ATPAF1: variants seen among roughly 807,000 people sequenced by gnomAD.
The protein encoded by ATPAF1 is homolog of yeast ATP11.
In ATPAF1, 26 loss-of-function variants were observed where a neutral mutation model predicts 43.9. The ratio of observed to expected loss-of-function variants is 0.59; its 90% CI spans 0.43 to 0.82. The LOEUF is 0.82. Among genes scored for constraint, ATPAF1 ranks in the 40% least tolerant of loss-of-function variants. The pLI, the probability that ATPAF1 is intolerant of heterozygous loss-of-function variation, is 0.00. For missense variants in ATPAF1, 366 were observed against 435.0 expected (o/e 0.84, Z 1.41); for synonymous variants, 157 against 168.0 (o/e 0.93, Z 0.50).
intron 7 of ATPAF1, 141 bp downstream of exon 7, chr1:46,645,020 A>T: frequency 2.8e-6 from 2 of 708,530 alleles, no homozygotes; most frequent in Non-Finnish European, 4.6e-6. Context: ...TCCAACACAA[A>T]AAGTATGACA....
intron 6 of ATPAF1, among the ~76,000 whole-genome samples, chr1:46,651,503 G>A (rs1303267548): frequency 6.6e-6 from 1 of 152,086 alleles, no homozygotes; most frequent in African/African-American, 2.4e-5. Flanking sequence ...ATAGTCCTTT[G>A]GGTATACACC....
In ATPAF1 at chr1:46,653,806, A is replaced by G. The variant is rs1676213219; in HGVS notation, c.540+11T>C. ...TTGTAACACTTTCACTTTGCCCTCC[A>G]AACTACTTACAGGAATAACTGCGTA... On this transcript the variant is annotated intron_variant, in intron 5 of 8. Transcript: ENST00000574428. The surrounding 1 kb of genome is among the most constrained non-coding windows in gnomAD (Gnocchi z 4.8). 1 of 1,606,506 alleles carries G rather than the reference A, an allele frequency of 6.2e-7. No individual in the cohort carries two copies. The highest frequency in any genetic ancestry group is 1.3e-5 in the African/African-American group (1 of 74,648).
chr1:46,657,306 A>G (rs542742133), intron 4 of ATPAF1, among the ~76,000 whole-genome samples: 1 of 152,180 alleles, frequency 6.6e-6, no homozygotes, highest in African/African-American at 2.4e-5. Context: ...ATAGCTTATT[A>G]GAGAGAAAAG....
chr1:46,661,529 A>T (rs1676387138), intron 2 of ATPAF1, among the ~76,000 whole-genome samples: 1 of 152,222 alleles, frequency 6.6e-6, no homozygotes, highest in Non-Finnish European at 1.5e-5. Context: ...ACATGCTAAA[A>T]TATGTATTTT....
intron 8 of ATPAF1, among the ~76,000 whole-genome samples, chr1:46,638,670 T>C (rs546045541): frequency 6.6e-6 from 1 of 150,936 alleles, no homozygotes; most frequent in African/African-American, 2.4e-5. Flanking sequence ...GTGAGTAGGA[T>C]AGGAAGGTAA....
intron 2 of ATPAF1, among the ~76,000 whole-genome samples, chr1:46,662,104 C>T (rs1294862465): frequency 6.6e-6 from 1 of 151,982 alleles, no homozygotes; most frequent in Non-Finnish European, 1.5e-5. Context: ...CCGTGTTAGC[C>T]AGGATGGTCT....
chr1:46,666,157 T>C (rs1038176219), intron 1 of ATPAF1: 6 of 187,944 alleles, frequency 3.2e-5, no homozygotes, highest in South Asian at 1.2e-4. Flanking sequence ...GGTCAATGCA[T>C]TATAGGGGGC....
Position 46,658,226 on chromosome 1 carries a change from TAAAA to T in ATPAF1, c.427-41_427-38del, listed in dbSNP as rs3214697. The T allele has an allele frequency of 3.0e-4, 349 of 1,144,594 alleles. No homozygotes were observed. The East Asian group carries it at 4.0e-3, about 13-fold the overall frequency. 70.9% of individuals were successfully genotyped at this position (1,144,594 alleles called of 1,614,324 possible). A position where few individuals can be genotyped will look rare whatever the true frequency, so the allele number is the denominator to read the frequency against. On this transcript the variant is annotated intron_variant, in intron 3 of 8. Coordinates refer to ENST00000574428, the Ensembl canonical transcript of ATPAF1. Reference sequence around the variant, plus strand: ...CAATAAAAAGCAATTAACACATAATTAAAAAAAAAAAAAAACAGCTTAACTCTAT... The same window carrying T: ...CAATAAAAAGCAATTAACACATAATTAAAAAAAAAAACAGCTTAACTCTAT...
At chr1:46,634,956 C>T (rs138308483), downstream of ATPAF1, 1 of 152,754 alleles carries the variant, frequency 6.5e-6, no homozygotes, top group East Asian at 1.9e-4. Context: ...ATTTTCCCCA[C>T]ATCCAATCTG....
chr1:46,645,064 T>A, intron 7 of ATPAF1, 97 bp downstream of exon 7: 1 of 881,746 alleles, frequency 1.1e-6, no homozygotes, highest in Non-Finnish European at 1.8e-6. Flanking sequence ...ATGCTGGGAG[T>A]AAGCAGCTAT....
intron 6 of ATPAF1, among the ~76,000 whole-genome samples, chr1:46,649,036 C>A (rs1326781528): frequency 6.6e-6 from 1 of 151,796 alleles, no homozygotes; most frequent in Non-Finnish European, 1.5e-5. Flanking sequence ...GTGGCAGGCA[C>A]CTGTAATCCC....
chr1:46,649,868 G>C (rs2476156), intron 6 of ATPAF1, among the ~76,000 whole-genome samples: 1 of 151,980 alleles, frequency 6.6e-6, no homozygotes, highest in African/African-American at 2.4e-5. Flanking sequence ...TGAGGCTGCA[G>C]TAAGCTATGA....
chr1:46,640,150 C>CCATT (rs1180430959), intron 8 of ATPAF1, among the ~76,000 whole-genome samples: 1 of 152,194 alleles, frequency 6.6e-6, no homozygotes, highest in Non-Finnish European at 1.5e-5. Context: ...TACCCAGCTT[C>CCATT]CATTCCATGG....
At chr1:46,663,665 G>A (rs1676438797) in intron 2 of ATPAF1, among the ~76,000 whole-genome samples, 1 of 151,962 alleles carries the variant, frequency 6.6e-6, no homozygotes, top group Non-Finnish European at 1.5e-5. Flanking sequence ...GTTCACTGTA[G>A]ATTCTGGATA....
At chr1:46,663,949 G>A in intron 2 of ATPAF1, 1 of 1,247,492 alleles carries the variant, frequency 8.0e-7, no homozygotes, top group South Asian at 1.3e-5. Context: ...TCAAATAATA[G>A]GTTGTGAAAT....
intron 6 of ATPAF1, among the ~76,000 whole-genome samples, chr1:46,651,922 C>A (rs1040867072): frequency 4.6e-5 from 7 of 152,042 alleles, no homozygotes; most frequent in Non-Finnish European, 1.0e-4. Flanking sequence ...CCAAAAAACA[C>A]AAGAAAAAAT....
chr1:46,652,189 A>C (rs1178582211), intron 6 of ATPAF1, among the ~76,000 whole-genome samples: 1 of 148,396 alleles, frequency 6.7e-6, no homozygotes, highest in Non-Finnish European at 1.5e-5. Context: ...GTGTCAATTA[A>C]AAATAATAAT....
At chr1:46,641,840 G>C (rs1037742809) in intron 8 of ATPAF1, among the ~76,000 whole-genome samples, 21 of 152,022 alleles carry the variant, frequency 1.4e-4, no homozygotes, top group African/African-American at 4.8e-4. Flanking sequence ...TCAGTTCTTA[G>C]ATCTCGTCTC....
At chr1:46,666,572 T>C (rs2148828662) in intron 1 of ATPAF1, among the ~76,000 whole-genome samples, 1 of 152,340 alleles carries the variant, frequency 6.6e-6, no homozygotes, top group African/African-American at 2.4e-5. Context: ...CAACAGGTAT[T>C]ATGATGAAAA....
Sources: gnomAD v4.1 joint callset for allele counts (sites outside exome capture counted in the v4.1 genomes callset) on GRCh38, gnomAD v4.1.1 for gene constraint, Gnocchi (gnomAD v3.1) non-coding constraint, MANE v1.5 for transcripts, NCBI Gene and HGNC (gene_info 2026-07-23, HGNC 2026-07-21) for gene names.